STAU1: variants seen among roughly 807,000 people sequenced by gnomAD.
STAU1 encodes the protein staufen double-stranded RNA binding protein 1, also known as double-stranded RNA-binding protein Staufen homolog 1.
STAU1 carries 13 observed loss-of-function variants against 62.9 expected under a neutral mutation model. The ratio of observed to expected loss-of-function variants is 0.21; its 90% CI spans 0.13 to 0.33. STAU1 has a LOEUF of 0.33. Among genes scored for constraint, STAU1 ranks in the 10% least tolerant of loss-of-function variants. STAU1 has a pLI of 1.00. For synonymous variants in STAU1, 269 were observed against 265.1 expected, an observed-to-expected ratio of 1.01 and a Z score of -0.14; for missense variants, 571 against 712.1, an observed-to-expected ratio of 0.80 and a Z score of 2.25.
At chr20:49,172,110 C>T (rs780842924) in intron 2 of STAU1, among the ~76,000 whole-genome samples, 7 of 152,190 alleles carry the variant, frequency 4.6e-5, no homozygotes, top group Non-Finnish European at 7.3e-5. Context: ...CCCTGTCTCA[C>T]ACTTGGCCCA....
chr20:49,166,091 A>G lies in STAU1; in HGVS notation c.111T>C (p.Ser37=). 6.2e-7 allele frequency: 1 copy of G among 1,614,232 alleles called. No homozygotes were observed. The change falls in exon 3 of 14, where the codon TCT becomes TCC. Residue 37 remains serine (S), a synonymous_variant. Transcript: ENST00000371856. ...TTTCAGAGGGCAGAGAGCTAGTAGT[A>G]GAAGGAATACTCATCAAAGGCTGTG... ...LLSQPLMSIP[S]TTSSLPSENA... is the part of the protein sequence containing the mutation.
At chr20:49,154,164 G>T in intron 3 of STAU1, 93 bp from the exon 4 acceptor site, 1 of 1,321,548 alleles carries the variant, frequency 7.6e-7, no homozygotes, top group East Asian at 2.4e-5. Context: ...CTGCTAATTG[G>T]ATTCATGATA....
chr20:49,173,531 A>G (rs751706162), intron 2 of STAU1, among the ~76,000 whole-genome samples: 7 of 152,344 alleles, frequency 4.6e-5, no homozygotes, highest in South Asian at 2.1e-4. Flanking sequence ...TACAACTTCA[A>G]TAATTTCCTT....
chr20:49,215,091 C>G, the STAU1 span, among the ~76,000 whole-genome samples: 1 of 152,226 alleles, frequency 6.6e-6, no homozygotes, highest in Non-Finnish European at 1.5e-5. Context: ...TTCCAGCTCT[C>G]TGATCCACCA....
intron 1 of STAU1, among the ~76,000 whole-genome samples, chr20:49,184,530 C>G (rs111302813): frequency 2.0e-5 from 3 of 152,264 alleles, no homozygotes; most frequent in African/African-American, 7.2e-5. Context: ...GTAAACTCCA[C>G]AGACAGTTTT....
At chr20:49,206,240 C>T in the STAU1 span, among the ~76,000 whole-genome samples, 6 of 151,274 alleles carry the variant, frequency 4.0e-5, no homozygotes, top group Admixed American at 6.6e-5. Context: ...GTGATCCACC[C>T]GCCTTGGCCT....
At chr20:49,164,216 T>A (rs1207974442) in intron 3 of STAU1, among the ~76,000 whole-genome samples, 2 of 151,904 alleles carry the variant, frequency 1.3e-5, no homozygotes, top group Non-Finnish European at 2.9e-5. Flanking sequence ...AGCAACAAAG[T>A]GAGACTCTGT....
At chr20:49,175,880 C>T (rs1368283203) in intron 1 of STAU1, among the ~76,000 whole-genome samples, 23 of 146,106 alleles carry the variant, frequency 1.6e-4, no homozygotes, top group African/African-American at 4.5e-4. Flanking sequence ...CTGCAAGCTC[C>T]GCCTCCAGGG....
In STAU1 at chr20:49,158,607, C is replaced by G. The variant is rs1042220820; in HGVS notation, c.206-4536G>C. On this transcript the variant is annotated intron_variant, in intron 3 of 13. Transcript: ENST00000371856. ...GGCAGATCACTTGAGGTCAGGAGTT[C>G]GAGACCAGCCTGGCCTACATAGTGA... is the stretch of plus-strand genomic sequence containing the variant. 4.6e-6 allele frequency: 4 copies of G among 862,304 alleles called. No homozygotes were observed. The African/African-American group carries it at 7.0e-5, about 15-fold the overall frequency. 53.4% of individuals were successfully genotyped at this position (862,304 alleles called of 1,614,324 possible). A position where few individuals can be genotyped will look rare whatever the true frequency, so the allele number is the denominator to read the frequency against.
the STAU1 span, among the ~76,000 whole-genome samples, chr20:49,206,943 A>G: frequency 6.6e-5 from 10 of 151,058 alleles, no homozygotes; most frequent in Admixed American, 6.0e-4. Context: ...TTTAGTAGAG[A>G]CGGGGTTTCA....
intron 5 of STAU1, among the ~76,000 whole-genome samples, 188 bp downstream of exon 5, chr20:49,151,394 A>G (rs1381999291): frequency 6.6e-6 from 1 of 152,266 alleles, no homozygotes; most frequent in South Asian, 2.1e-4. Flanking sequence ...TTTCTTGTTA[A>G]GAAATTTTAA....
chr20:49,178,084 G>C (rs943221332), intron 1 of STAU1, among the ~76,000 whole-genome samples: 8 of 152,098 alleles, frequency 5.3e-5, no homozygotes, highest in Admixed American at 2.6e-4. Flanking sequence ...GGCTGAGATG[G>C]GAGGACTGCT....
intron 5 of STAU1, among the ~76,000 whole-genome samples, chr20:49,141,994 C>T (rs987486779): frequency 5.3e-5 from 8 of 152,114 alleles, no homozygotes; most frequent in East Asian, 1.9e-4. Flanking sequence ...GAGGTCAAGG[C>T]GGGAGGGTCA....
chr20:49,207,812 G>T, the STAU1 span, among the ~76,000 whole-genome samples: 1 of 151,978 alleles, frequency 6.6e-6, no homozygotes, highest in Non-Finnish European at 1.5e-5. Context: ...GAGCCACCAC[G>T]CCCGGCTCCA....
chr20:49,129,583 A>T (rs542940842), intron 6 of STAU1, among the ~76,000 whole-genome samples: 1 of 151,122 alleles, frequency 6.6e-6, no homozygotes, highest in Non-Finnish European at 1.5e-5. Context: ...CATATATTGC[A>T]GGTGAAATGC....
At chr20:49,136,990 G>A (rs528434103) in intron 5 of STAU1, among the ~76,000 whole-genome samples, 46 of 152,196 alleles carry the variant, frequency 3.0e-4, no homozygotes, top group African/African-American at 9.1e-4. Flanking sequence ...CACCACGCCC[G>A]GCGGGAAACC....
Position 49,114,782 on chromosome 20 carries a change from C to T in STAU1, c.*96G>A. 1 of 1,180,294 alleles carries T rather than the reference C, an allele frequency of 8.5e-7. No individual in the cohort carries two copies. The highest frequency in any genetic ancestry group is 1.8e-5 in the Admixed American group (1 of 54,072). The allele number at this position is 1,180,294 out of a possible 1,614,324, so 73.1% of individuals were successfully genotyped here. A position where few individuals can be genotyped will look rare whatever the true frequency, so the allele number is the denominator to read the frequency against. ...TCCTTTACCCACCGTGTCTCTCGGCCCACTGGAGGTATCAGAAATTCCAAA... is the reference window on the plus strand; with the variant it reads ...TCCTTTACCCACCGTGTCTCTCGGCTCACTGGAGGTATCAGAAATTCCAAA... On this transcript the variant is annotated 3_prime_UTR_variant, in exon 14 of 14. Coordinates refer to ENST00000371856, the MANE Select transcript of STAU1 (RefSeq NM_017453.4).
At chr20:49,196,375 T>TAA in the STAU1 span, among the ~76,000 whole-genome samples, 2 of 144,486 alleles carry the variant, frequency 1.4e-5, no homozygotes, top group East Asian at 4.0e-4. Context: ...GGGCGGAGCC[T>TAA]GCAGTGAACT....
intron 8 of STAU1, among the ~76,000 whole-genome samples, chr20:49,121,922 C>T (rs2092473866): frequency 6.6e-6 from 1 of 152,184 alleles, no homozygotes; most frequent in African/African-American, 2.4e-5. Flanking sequence ...CTCAGAGAGT[C>T]AAAGAAACCA....
Sources: gnomAD v4.1 joint callset for allele counts (sites outside exome capture counted in the v4.1 genomes callset) on GRCh38, gnomAD v4.1.1 for gene constraint, MANE v1.5 for transcripts, NCBI Gene and HGNC (gene_info 2026-07-23, HGNC 2026-07-21) for gene names.